DSTYK: variants seen among roughly 807,000 people sequenced by gnomAD.
DSTYK encodes dual serine/threonine and tyrosine protein kinase.
In DSTYK, 34 loss-of-function variants were observed where a neutral mutation model predicts 98.7. The ratio of observed to expected loss-of-function variants is 0.34; its 90% confidence interval spans 0.26 to 0.46. The LOEUF (loss-of-function observed/expected upper bound fraction) is 0.46, where lower values mean the gene tolerates loss of function less well. Among genes scored for constraint, DSTYK ranks in the 20% least tolerant of loss-of-function variants. DSTYK has a pLI of 1.00. For missense variants in DSTYK, 962 were observed against 1,181.7 expected (o/e 0.81, Z 2.73); for synonymous variants, 462 against 457.3 (o/e 1.01, Z -0.13).
At chr1:205,204,455 TAC>T (rs56294352) in intron 1 of DSTYK, among the ~76,000 whole-genome samples, 38 of 148,654 alleles carry the variant, frequency 2.6e-4, no homozygotes, top group South Asian at 1.1e-3. Flanking sequence ...ATGCTCACCA[TAC>T]ACACACACAC....
intron 2 of DSTYK, among the ~76,000 whole-genome samples, chr1:205,180,164 G>C (rs771724278): frequency 6.6e-6 from 1 of 151,792 alleles, no homozygotes. Flanking sequence ...GAACGTGCAG[G>C]TTTGTTACAT....
At chr1:205,162,424 T>C (rs1470103818) in intron 5 of DSTYK, among the ~76,000 whole-genome samples, 2 of 152,212 alleles carry the variant, frequency 1.3e-5, no homozygotes, top group Non-Finnish European at 2.9e-5. Context: ...AGGCCTAGTC[T>C]ACATGCTCAC....
intron 2 of DSTYK, among the ~76,000 whole-genome samples, chr1:205,176,060 A>C (rs1430457079): frequency 6.6e-6 from 1 of 152,230 alleles, no homozygotes; most frequent in Non-Finnish European, 1.5e-5. Context: ...ACAATAACCC[A>C]TAATTCCTAT....
At chr1:205,161,224 T>C (rs778133520) in intron 7 of DSTYK, 34 bp downstream of exon 7, 1 of 1,612,278 alleles carries the variant, frequency 6.2e-7, no homozygotes, top group South Asian at 1.1e-5. Context: ...TCCTGAACCA[T>C]CCTCCAGTTT....
intron 1 of DSTYK, among the ~76,000 whole-genome samples, chr1:205,207,080 C>CA (rs573657151): frequency 7.1e-6 from 1 of 140,658 alleles, no homozygotes; most frequent in Non-Finnish European, 1.5e-5. Context: ...ACTCCAGTAT[C>CA]TTTTTTTTTT....
rs1274218234 is a variant in DSTYK at position 205,162,982 on chromosome 1, C to T, written c.1582G>A (p.Glu528Lys). The T allele has an allele frequency of 1.2e-6, 2 of 1,614,084 alleles. No individual in the cohort carries two copies. The highest frequency in any genetic ancestry group is 1.3e-5 in the African/African-American group (1 of 75,048). The change falls in exon 5 of 13, where the codon GAA (glutamate) becomes AAA (lysine). Residue 528 changes from glutamate to lysine, a missense_variant. Physicochemically the swap from Glu to Lys is moderately conservative, Grantham distance 56. Transcript: ENST00000367162. ...GACGACCCTGAGTGAAACGTGACTTCAACATGATAGGCAGCATTTAAGATC... is the reference window on the plus strand; with the variant it reads ...GACGACCCTGAGTGAAACGTGACTTTAACATGATAGGCAGCATTTAAGATC... ...KQILNAAYHVEVTFHSGSSVT... is the reference protein window; with the variant it reads ...KQILNAAYHVKVTFHSGSSVT...
intron 2 of DSTYK, among the ~76,000 whole-genome samples, chr1:205,180,559 G>A (rs964786631): frequency 6.6e-6 from 1 of 152,282 alleles, no homozygotes; most frequent in African/African-American, 2.4e-5. Flanking sequence ...CCACTTCCCA[G>A]GCTCAAGTGG....
intron 7 of DSTYK, among the ~76,000 whole-genome samples, chr1:205,160,650 T>G (rs1183393132): frequency 6.6e-6 from 1 of 151,984 alleles, no homozygotes; most frequent in South Asian, 2.1e-4. Flanking sequence ...ACATTCTTCA[T>G]TGTGAACCTG....
chr1:205,187,479 T>C lies in DSTYK; in HGVS notation c.593A>G (p.Asn198Ser), dbSNP rs1407714708. Residue 198 changes from asparagine to serine, a missense_variant, in exon 2 of 13, where the codon AAT (asparagine) becomes AGT (serine). By Grantham distance (46) the Asn-to-Ser change is conservative. This residue lies in a region of DSTYK where 660 missense variants were observed against 855.0 expected (regional missense o/e 0.77). Coordinates refer to ENST00000367162, the MANE Select transcript of DSTYK (RefSeq NM_015375.3). Reference protein sequence around the residue: ...PEEDLEVQENNEDAAHVLAEL... With the variant: ...PEEDLEVQENSEDAAHVLAEL... ...CGCTAAAACATGAGCAGCATCCTCATTGTTCTCTTGGACCTCCAGATCCTC... is the reference window on the plus strand; with the variant it reads ...CGCTAAAACATGAGCAGCATCCTCACTGTTCTCTTGGACCTCCAGATCCTC... The C allele has an allele frequency of 9.9e-6, 16 of 1,614,074 alleles. No homozygotes were observed. The highest frequency in any genetic ancestry group is 1.7e-5 in the Admixed American group (1 of 60,000).
chr1:205,181,625 G>C lies in DSTYK; in HGVS notation c.654+5793C>G, dbSNP rs1051409068. ...CCACCTCAGCCTCCCAAAGTGCTGGGACCACAGATGTGAGCCACAGATGTT... is the reference window on the plus strand; with the variant it reads ...CCACCTCAGCCTCCCAAAGTGCTGGCACCACAGATGTGAGCCACAGATGTT... On this transcript the variant is annotated intron_variant, in intron 2 of 12. Coordinates refer to ENST00000367162, the MANE Select transcript of DSTYK (RefSeq NM_015375.3). 2.6e-5 allele frequency among the ~76,000 whole-genome samples: 4 copies of C among 151,112 alleles called. No individual in the cohort carries two copies. The Admixed American group carries it at 2.6e-4, about 10-fold the overall frequency.
chr1:205,161,529 G>T, intron 6 of DSTYK, 142 bp from the exon 7 acceptor site: 1 of 880,960 alleles, frequency 1.1e-6, no homozygotes, highest in Non-Finnish European at 1.7e-6. Context: ...TTAGCACAGA[G>T]ACTGGCACAG....
intron 2 of DSTYK, among the ~76,000 whole-genome samples, chr1:205,176,296 G>A (rs1658226479): frequency 6.6e-6 from 1 of 151,868 alleles, no homozygotes; most frequent in African/African-American, 2.4e-5. Flanking sequence ...TGATCAACAT[G>A]GAGAAACCCC....
intron 1 of DSTYK, among the ~76,000 whole-genome samples, chr1:205,210,099 A>G (rs1271500191): frequency 1.3e-5 from 2 of 151,904 alleles, no homozygotes; most frequent in African/African-American, 2.4e-5. Flanking sequence ...ACGGGGTTTC[A>G]CCATGTTGGC....
intron 1 of DSTYK, among the ~76,000 whole-genome samples, chr1:205,192,187 T>C (rs1658732112): frequency 6.6e-6 from 1 of 152,222 alleles, no homozygotes; most frequent in African/African-American, 2.4e-5. Context: ...CTTCATTTCA[T>C]TTAATGCTCA....
At chr1:205,207,281 G>A (rs758327977) in intron 1 of DSTYK, among the ~76,000 whole-genome samples, 4 of 149,928 alleles carry the variant, frequency 2.7e-5, no homozygotes, top group African/African-American at 7.4e-5. Context: ...GTTTCACCAC[G>A]TTGGCCAGGC....
At chr1:205,201,564 G>A (rs910674956) in intron 1 of DSTYK, among the ~76,000 whole-genome samples, 1 of 152,052 alleles carries the variant, frequency 6.6e-6, no homozygotes, top group Non-Finnish European at 1.5e-5. Context: ...TCCAAGGAAG[G>A]AATTAAATTG....
At chr1:205,196,013 A>G (rs184764559) in intron 1 of DSTYK, among the ~76,000 whole-genome samples, 7 of 152,342 alleles carry the variant, frequency 4.6e-5, no homozygotes, top group African/African-American at 1.7e-4. Context: ...AACGCAGTGT[A>G]TAACAGTTTA....
chr1:205,180,289 G>A (rs147907422), intron 2 of DSTYK, among the ~76,000 whole-genome samples: 1,061 of 94,554 alleles, frequency 0.011, 17 homozygotes, highest in African/African-American at 0.041. Context: ...ACAGGCCCCC[G>A]TGTGTGATGC....
At chr1:205,158,990 A>C (rs963636761) in intron 9 of DSTYK, among the ~76,000 whole-genome samples, 1 of 152,184 alleles carries the variant, frequency 6.6e-6, no homozygotes, top group South Asian at 2.1e-4. Flanking sequence ...TCTTCTAAGG[A>C]GTTTAGATTT....
Sources: gnomAD v4.1 joint callset for allele counts (sites outside exome capture counted in the v4.1 genomes callset) on GRCh38, gnomAD v4.1.1 for gene constraint, gnomAD v4.1.1 regional missense constraint, MANE v1.5 for transcripts, NCBI Gene and HGNC (gene_info 2026-07-23, HGNC 2026-07-21) for gene names.